CCDC148: variants seen among roughly 807,000 people sequenced by gnomAD.
CCDC148 encodes coiled-coil domain containing 148.
In CCDC148, 89 loss-of-function variants were observed where a neutral mutation model predicts 85.7. The ratio of observed to expected loss-of-function variants is 1.04; its 90% CI spans 0.87 to 1.24. The LOEUF is 1.24. CCDC148 is among the 50% of genes most tolerant of loss of function. The pLI, the probability that CCDC148 is intolerant of heterozygous loss-of-function variation, is 0.00. For missense variants in CCDC148, 692 were observed against 671.7 expected, an observed-to-expected ratio of 1.03 and a Z score of -0.33; for synonymous variants, 230 against 213.9, an observed-to-expected ratio of 1.08 and a Z score of -0.66.
chr2:158,204,828 T>C (rs1686154736), intron 11 of CCDC148, among the ~76,000 whole-genome samples: 1 of 152,162 alleles, frequency 6.6e-6, no homozygotes, highest in Non-Finnish European at 1.5e-5. Context: ...GTCACATTTG[T>C]GCAGAGACAT....
chr2:158,192,483 CAGAT>C (rs139273065), intron 11 of CCDC148, among the ~76,000 whole-genome samples: 22,946 of 151,958 alleles, frequency 0.15, 2,168 homozygotes, highest in Non-Finnish European at 0.21. Context: ...GTAGGAAAAA[CAGAT>C]AGCTAACTTT....
intron 1 of CCDC148, among the ~76,000 whole-genome samples, chr2:158,437,757 G>A (rs372819596): frequency 4.6e-5 from 7 of 152,200 alleles, no homozygotes; most frequent in East Asian, 1.9e-4. Flanking sequence ...ATCTCCTTAA[G>A]CTGATAAGCA....
chr2:158,385,664 A>G (rs1685055639), intron 1 of CCDC148, among the ~76,000 whole-genome samples: 1 of 152,190 alleles, frequency 6.6e-6, no homozygotes, highest in Admixed American at 6.5e-5. Context: ...AAAGATATAT[A>G]AAAGAAGATA....
In CCDC148 at chr2:158,237,553, C is replaced by G. The variant is rs555859942; in HGVS notation, c.1251+13219G>C. On this transcript the variant is annotated intron_variant, in intron 10 of 13. Transcript: ENST00000283233. ...CAGAGAGGATACCAAGCCTTTCGGC[C>G]TGAGTGCTAGCAGACTAGATTTCCA... Among the ~76,000 whole-genome samples the G allele has an allele frequency of 5.9e-5, 9 of 152,144 alleles. No individual in the cohort carries two copies. The South Asian group carries it at 1.5e-3, about 25-fold the overall frequency.
At chr2:158,328,077 T>C (rs539615616) in intron 7 of CCDC148, among the ~76,000 whole-genome samples, 155 of 152,106 alleles carry the variant, frequency 1.0e-3, no homozygotes, top group African/African-American at 1.2e-3. Flanking sequence ...AGGTTAGTCA[T>C]GTATGTATAC....
At chr2:158,297,424 AT>A (rs1204806369) in intron 9 of CCDC148, among the ~76,000 whole-genome samples, 1 of 152,040 alleles carries the variant, frequency 6.6e-6, no homozygotes, top group Non-Finnish European at 1.5e-5. Flanking sequence ...GCTTTTTGTG[AT>A]TATCTCTGCC....
At chr2:158,351,468 G>GGTGACGAACC (rs66489252) in intron 2 of CCDC148, among the ~76,000 whole-genome samples, 2 of 1,948 alleles carry the variant, frequency 1.0e-3, no homozygotes, top group African/African-American at 2.3e-3. Flanking sequence ...CAAAGAAAGG[G>GGTGACGAACC]GCACCTGGAA....
chr2:158,419,314 A>G (rs1686656577), intron 1 of CCDC148, among the ~76,000 whole-genome samples: 1 of 152,234 alleles, frequency 6.6e-6, no homozygotes, highest in African/African-American at 2.4e-5. Flanking sequence ...AGAATGAGTC[A>G]CTGAAGTTTT....
At chr2:158,280,467 G>T (rs1005947377) in intron 9 of CCDC148, among the ~76,000 whole-genome samples, 3 of 152,032 alleles carry the variant, frequency 2.0e-5, no homozygotes, top group Non-Finnish European at 1.5e-5. Flanking sequence ...AAAAGGCAGG[G>T]GTTGCAATCC....
At chr2:158,271,029 T>G (rs182247427) in intron 9 of CCDC148, among the ~76,000 whole-genome samples, 1 of 152,328 alleles carries the variant, frequency 6.6e-6, no homozygotes, top group Non-Finnish European at 1.5e-5. Context: ...GAAAATTCTA[T>G]AAATAATTGT....
At chr2:158,448,340 A>AT (rs1379383459) in intron 1 of CCDC148, among the ~76,000 whole-genome samples, 1 of 145,382 alleles carries the variant, frequency 6.9e-6, no homozygotes, top group African/African-American at 2.5e-5. Flanking sequence ...ATGTATTTCC[A>AT]TTTTATTTTT....
chr2:158,200,520 CAG>C (rs941053644), intron 11 of CCDC148, among the ~76,000 whole-genome samples: 3 of 152,210 alleles, frequency 2.0e-5, no homozygotes, highest in African/African-American at 7.2e-5. Context: ...GAAGCTGTGA[CAG>C]AGACAGGATG....
At chr2:158,417,305 C>T (rs941892099) in intron 1 of CCDC148, among the ~76,000 whole-genome samples, 47 of 152,204 alleles carry the variant, frequency 3.1e-4, no homozygotes, top group Admixed American at 3.1e-3. Context: ...TGCAAATAAG[C>T]ATACTGTGGT....
chr2:158,456,018 G>A (rs906809574), intron 1 of CCDC148, among the ~76,000 whole-genome samples: 51 of 152,166 alleles, frequency 3.4e-4, no homozygotes, highest in Non-Finnish European at 1.5e-5. Flanking sequence ...GATTGTTTCT[G>A]TTTCCTCTAT....
chr2:158,314,466 C>T (rs6746288), intron 7 of CCDC148, among the ~76,000 whole-genome samples: 8,761 of 152,184 alleles, frequency 0.058, 541 homozygotes, highest in African/African-American at 0.16. Flanking sequence ...AGATAACCAA[C>T]GGCATTAAAA....
intron 9 of CCDC148, among the ~76,000 whole-genome samples, chr2:158,291,929 A>G (rs1005111787): frequency 2.6e-5 from 4 of 152,242 alleles, no homozygotes; most frequent in African/African-American, 7.2e-5. Context: ...GGCATTCAAC[A>G]TATGTCTTTT....
At chr2:158,217,238 G>GCCAGTACT (rs1230189650) in intron 11 of CCDC148, among the ~76,000 whole-genome samples, 5 of 150,144 alleles carry the variant, frequency 3.3e-5, no homozygotes, top group African/African-American at 7.3e-5. Flanking sequence ...ACATGAAATT[G>GCCAGTACT]CCAGTACTCA....
chr2:158,384,201 T>C (rs1382142714), intron 1 of CCDC148, among the ~76,000 whole-genome samples: 1 of 152,218 alleles, frequency 6.6e-6, no homozygotes, highest in East Asian at 1.9e-4. Flanking sequence ...TTCTCCACTA[T>C]AAAGGTACCT....
At chr2:158,385,296 A>G (rs75190684) in intron 1 of CCDC148, among the ~76,000 whole-genome samples, 8,768 of 152,232 alleles carry the variant, frequency 0.058, 482 homozygotes, top group African/African-American at 0.14. Flanking sequence ...TAACATAGTC[A>G]TGGCAGAGAT....
Sources: gnomAD v4.1 joint callset for allele counts (sites outside exome capture counted in the v4.1 genomes callset) on GRCh38, gnomAD v4.1.1 for gene constraint, MANE v1.5 for transcripts, NCBI Gene and HGNC (gene_info 2026-07-23, HGNC 2026-07-21) for gene names.